Variants in EML6 observed in about 807,000 individuals in gnomAD.
The protein encoded by EML6 is echinoderm microtubule-associated protein-like 6.
In EML6, 154 loss-of-function variants were observed where a neutral mutation model predicts 240.1. That is an observed-to-expected ratio of 0.64 (90% CI 0.56 to 0.73). EML6 has a LOEUF of 0.73. Among genes scored for constraint, EML6 ranks in the 30% least tolerant of loss-of-function variants. EML6 has a pLI of 0.00. For missense variants in EML6, 2,964 were observed against 2,474.6 expected (o/e 1.20, Z -4.20); for synonymous variants, 1,148 against 899.0 (o/e 1.28, Z -4.95).
intron 10 of EML6, among the ~76,000 whole-genome samples, chr2:54,850,823 A>T (rs1670039360): frequency 6.6e-6 from 1 of 152,234 alleles, no homozygotes; most frequent in Non-Finnish European, 1.5e-5. Context: ...AGGAGAGTTG[A>T]GTTAAATGTG....
At chr2:54,927,773 C>T (rs1363996898) in intron 26 of EML6, among the ~76,000 whole-genome samples, 1 of 152,210 alleles carries the variant, frequency 6.6e-6, no homozygotes, top group Admixed American at 6.5e-5. Flanking sequence ...TGCTTTAAAT[C>T]AATGTTTGCG....
At chr2:54,860,645 G>A (rs181913742) in intron 12 of EML6, among the ~76,000 whole-genome samples, 29 of 152,310 alleles carry the variant, frequency 1.9e-4, no homozygotes, top group Admixed American at 7.8e-4. Context: ...TTCCACTCAA[G>A]GAAATGCATC....
intron 5 of EML6, among the ~76,000 whole-genome samples, chr2:54,822,556 A>G (rs1255925625): frequency 6.6e-6 from 1 of 152,222 alleles, no homozygotes; most frequent in Non-Finnish European, 1.5e-5. Flanking sequence ...ATATGATGAA[A>G]CACTGTACAA....
chr2:54,757,001 C>T (rs1667762332), intron 2 of EML6, among the ~76,000 whole-genome samples: 1 of 151,764 alleles, frequency 6.6e-6, no homozygotes, highest in South Asian at 2.1e-4. Context: ...TCTATTTTGT[C>T]ATTCAAATCG....
chr2:54,778,224 A>AT (rs1377330130), intron 2 of EML6, among the ~76,000 whole-genome samples: 1 of 152,250 alleles, frequency 6.6e-6, no homozygotes, highest in Non-Finnish European at 1.5e-5. Context: ...AGAAAGTGAG[A>AT]TAAAATCAGT....
intron 5 of EML6, among the ~76,000 whole-genome samples, chr2:54,823,334 G>A (rs1021555946): frequency 1.3e-5 from 2 of 152,154 alleles, no homozygotes; most frequent in African/African-American, 4.8e-5. Context: ...TTGCACTTCT[G>A]TCAGGAGTTA....
chr2:54,913,071 G>GTTTTTTTTTTTTTTTTTTTTTTTT (rs1216432893), intron 25 of EML6, among the ~76,000 whole-genome samples: 3 of 125,730 alleles, frequency 2.4e-5, no homozygotes, highest in Non-Finnish European at 4.9e-5. Context: ...GCCAGATTCT[G>GTTTTTTTTTTTTTTTTTTTTTTTT]TTTTTTTTTT....
chr2:54,920,226 A>G (rs182840927), intron 26 of EML6, among the ~76,000 whole-genome samples: 94 of 152,268 alleles, frequency 6.2e-4, no homozygotes, highest in South Asian at 5.0e-3. Flanking sequence ...GAAAAGACCA[A>G]TGAAACTAAG....
intron 2 of EML6, among the ~76,000 whole-genome samples, chr2:54,762,482 G>T (rs72915567): frequency 0.05 from 7,594 of 152,042 alleles, 599 homozygotes; most frequent in African/African-American, 0.16. Flanking sequence ...TGCTTTTTAA[G>T]ACTCCACATA....
chr2:54,895,554 C>A (rs1672719302), intron 21 of EML6, among the ~76,000 whole-genome samples, 154 bp downstream of exon 21: 1 of 152,238 alleles, frequency 6.6e-6, no homozygotes, highest in Non-Finnish European at 1.5e-5. Context: ...TAACAAATTG[C>A]CACAAGCTTA....
chr2:54,863,114 A>G (rs1170381672), intron 12 of EML6, among the ~76,000 whole-genome samples: 2 of 152,208 alleles, frequency 1.3e-5, no homozygotes, highest in African/African-American at 4.8e-5. Flanking sequence ...TATTTGAATA[A>G]ATGTTGACAA....
At chr2:54,968,912 C>T (rs1025024320) in intron 41 of EML6, 144 bp downstream of exon 41, 2 of 590,798 alleles carry the variant, frequency 3.4e-6, no homozygotes, top group African/African-American at 1.9e-5. Context: ...CATGAGTCCT[C>T]ATGAAGGCAA....
At chr2:54,842,116 TTGG>T (rs984944367) in intron 7 of EML6, among the ~76,000 whole-genome samples, 4 of 152,190 alleles carry the variant, frequency 2.6e-5, no homozygotes, top group African/African-American at 9.7e-5. Flanking sequence ...GAGTTCACTC[TTGG>T]TGGCGTATAT....
At chr2:54,831,369 C>T (rs1668860161) in intron 7 of EML6, among the ~76,000 whole-genome samples, 1 of 152,162 alleles carries the variant, frequency 6.6e-6, no homozygotes, top group Admixed American at 6.5e-5. Context: ...ACTTTTCTGC[C>T]CAATACTGAG....
intron 13 of EML6, among the ~76,000 whole-genome samples, chr2:54,865,746 C>A (rs1291744595): frequency 6.6e-6 from 1 of 152,188 alleles, no homozygotes; most frequent in African/African-American, 2.4e-5. Context: ...GAATACTCAA[C>A]CTGTATATTC....
chr2:54,881,432 A>G (rs990985868), intron 17 of EML6: 2 of 152,072 alleles, frequency 1.3e-5, no homozygotes, highest in Non-Finnish European at 2.9e-5. Flanking sequence ...AGGTGGGCGG[A>G]TCTCCTAAGG....
intron 28 of EML6, among the ~76,000 whole-genome samples, chr2:54,929,012 C>G (rs1295159770): frequency 7.7e-6 from 1 of 129,196 alleles, no homozygotes; most frequent in Non-Finnish European, 1.7e-5. Context: ...TTGGACTACA[C>G]TTCTCCATGC....
intron 32 of EML6, 140 bp from the exon 33 acceptor site, chr2:54,957,650 G>T (rs1573216288): frequency 1.4e-6 from 1 of 731,468 alleles, no homozygotes; most frequent in East Asian, 2.7e-5. Context: ...GGGGAATAGT[G>T]TCTGAAGGGG....
At chr2:54,749,454 T>C (rs1174380505) in intron 2 of EML6, among the ~76,000 whole-genome samples, 1 of 152,166 alleles carries the variant, frequency 6.6e-6, no homozygotes, top group Non-Finnish European at 1.5e-5. Context: ...ATACTGTCTT[T>C]TCTATAGAGT....
Sources: allele counts gnomAD v4.1 joint callset (sites outside exome capture counted in the v4.1 genomes callset), GRCh38; gene constraint gnomAD v4.1.1; transcripts MANE v1.5; gene names NCBI Gene and HGNC (gene_info 2026-07-23, HGNC 2026-07-21).